DNAJB6: variants seen among roughly 807,000 people sequenced by gnomAD.
The protein encoded by DNAJB6 is dnaJ homolog subfamily B member 6.
In DNAJB6, 16 loss-of-function variants were observed where a neutral mutation model predicts 42.7. The ratio of observed to expected loss-of-function variants is 0.37; its 90% confidence interval spans 0.25 to 0.57. DNAJB6 has a LOEUF of 0.57. Among genes scored for constraint, DNAJB6 ranks in the 20% least tolerant of loss-of-function variants. The pLI, the probability that DNAJB6 is intolerant of heterozygous loss-of-function variation, is 0.74. For missense variants in DNAJB6, 347 were observed against 416.8 expected (o/e 0.83, Z 1.46); for synonymous variants, 170 against 163.5 (o/e 1.04, Z -0.30).
chr7:157,410,198 G>GC (rs1426353902), intron 9 of DNAJB6, 197 bp downstream of exon 9: 38 of 1,327,064 alleles, frequency 2.9e-5, no homozygotes, highest in Middle Eastern at 2.7e-4. Flanking sequence ...GTGGCTCCGG[G>GC]CCCCCCACCG....
At chr7:157,402,081 G>C (rs1160449647) in intron 8 of DNAJB6, among the ~76,000 whole-genome samples, 1 of 152,190 alleles carries the variant, frequency 6.6e-6, no homozygotes, top group African/African-American at 2.4e-5. Flanking sequence ...GTTGAGAGTG[G>C]CTTCTGCCGC....
intron 9 of DNAJB6, chr7:157,412,608 C>T (rs1230747187): frequency 6.6e-6 from 1 of 152,222 alleles, no homozygotes; most frequent in Non-Finnish European, 1.5e-5. Flanking sequence ...GACTCTTGGC[C>T]AGGCCTCTGG....
intron 1 of DNAJB6, among the ~76,000 whole-genome samples, chr7:157,338,328 C>T (rs1798158208): frequency 6.6e-6 from 1 of 151,890 alleles, no homozygotes; most frequent in African/African-American, 2.4e-5. Context: ...GGGTTTACTC[C>T]AGACTTCCTT....
Position 157,409,924 on chromosome 7 carries a change from A to G in DNAJB6, c.821A>G (p.His274Arg), listed in dbSNP as rs925722572. The change falls in exon 9 of 10, where the codon CAC becomes CGC. Residue 274 changes from histidine to arginine, a missense_variant. His to Arg is a conservative substitution (Grantham distance 29). Around this residue, in one of 3 missense-constraint regions of DNAJB6, gnomAD observed 264 missense variants for 288.0 expected, o/e 0.92. Coordinates refer to ENST00000262177, the MANE Select transcript of DNAJB6 (RefSeq NM_058246.4). ...RPASLLRHAP[H>R]CLSEEEGEQD... ...GCCTCGCTGCTGAGACACGCGCCTC[A>G]CTGTCTCTCTGAGGAGGAGGGCGAG... is the stretch of plus-strand genomic sequence containing the variant. 1 of 1,536,036 alleles carries G rather than the reference A, an allele frequency of 6.5e-7. No individual in the cohort carries two copies. The highest frequency in any genetic ancestry group is 8.7e-7 in the Non-Finnish European group (1 of 1,146,014).
intron 8 of DNAJB6, among the ~76,000 whole-genome samples, chr7:157,406,228 T>G (rs1795762900): frequency 6.6e-6 from 1 of 152,194 alleles, no homozygotes; most frequent in African/African-American, 2.4e-5. Flanking sequence ...AAGCTCGGTG[T>G]GGGGGTTTGG....
chr7:157,385,575 G>A lies in DNAJB6; in HGVS notation c.655G>A (p.Glu219Lys). The A allele has an allele frequency of 6.2e-7, 1 of 1,613,896 alleles. No individual in the cohort carries two copies. Among genetic ancestry groups the A allele is most frequent in the Non-Finnish European group, 8.5e-7 (1 of 1,179,840 alleles). ...GAACGGTCAAGAAAGAGTAGAAGTT[G>A]AAGAAGATGGCCAGTTAAAGTCCTT... is the stretch of plus-strand genomic sequence containing the variant. ...VENGQERVEVEEDGQLKSLTI... is the reference protein window; with the variant it reads ...VENGQERVEVKEDGQLKSLTI... The change falls in exon 8 of 10, where the codon GAA (glutamate) becomes AAA (lysine). Residue 219 changes from glutamate to lysine, a missense_variant. Physicochemically the swap from Glu to Lys is moderately conservative, Grantham distance 56. Transcript: ENST00000262177.
chr7:157,373,323 G>A (rs1333465551), intron 5 of DNAJB6, among the ~76,000 whole-genome samples: 2 of 152,134 alleles, frequency 1.3e-5, no homozygotes, highest in Non-Finnish European at 2.9e-5. Flanking sequence ...AAGGTGAAAG[G>A]AGGAGGAACC....
In DNAJB6 at chr7:157,363,070, G is replaced by A. The variant is rs1229944916; in HGVS notation, c.66-91G>A. 1.3e-5 allele frequency: 11 copies of A among 825,588 alleles called. No individual in the cohort carries two copies. The Admixed American group carries it at 2.1e-4, about 15-fold the overall frequency. 51.1% of individuals were successfully genotyped at this position (825,588 alleles called of 1,614,324 possible). A position where few individuals can be genotyped will look rare whatever the true frequency, so the allele number is the denominator to read the frequency against. The stretch of plus-strand genomic sequence containing the variant: ...ATTCATCTCACCAGTTGGCAGCTCT[G>A]AAGCCATTCTCGTGGTTAATGATGT... On this transcript the variant is annotated intron_variant, in intron 2 of 9. Coordinates refer to ENST00000262177, the MANE Select transcript of DNAJB6 (RefSeq NM_058246.4).
chr7:157,391,754 G>T lies in DNAJB6; in HGVS notation c.691+6143G>T, dbSNP rs146275133. The stretch of plus-strand genomic sequence containing the variant: ...TCTTATGTACTTGCAGGAGCAGTTG[G>T]TTAAATTAGGTACCTAGAAGTTGAG... On this transcript the variant is annotated intron_variant, in intron 8 of 9. Coordinates refer to ENST00000262177, the MANE Select transcript of DNAJB6 (RefSeq NM_058246.4). Among the ~76,000 whole-genome samples the T allele has an allele frequency of 9.2e-5, 14 of 152,270 alleles. No individual in the cohort carries two copies. The East Asian group carries it at 2.5e-3, about 27-fold the overall frequency.
At chr7:157,340,450 A>G (rs1162399204) in intron 1 of DNAJB6, among the ~76,000 whole-genome samples, 1 of 152,188 alleles carries the variant, frequency 6.6e-6, no homozygotes, top group Non-Finnish European at 1.5e-5. Flanking sequence ...AAGTTGGTGA[A>G]AACAAGAATA....
chr7:157,404,843 A>G (rs1360397178), intron 8 of DNAJB6, among the ~76,000 whole-genome samples: 1 of 151,756 alleles, frequency 6.6e-6, no homozygotes, highest in Non-Finnish European at 1.5e-5. Flanking sequence ...GCTGATCTCA[A>G]AGCTAAGCTG....
At chr7:157,372,964 T>G (rs1288493455) in intron 5 of DNAJB6, among the ~76,000 whole-genome samples, 3 of 152,222 alleles carry the variant, frequency 2.0e-5, no homozygotes, top group East Asian at 3.9e-4. Context: ...AGAGACAGAT[T>G]TCACTGTGTT....
At chr7:157,400,499 C>G (rs997815486) in intron 8 of DNAJB6, among the ~76,000 whole-genome samples, 9 of 152,212 alleles carry the variant, frequency 5.9e-5, no homozygotes, top group Admixed American at 5.2e-4. Context: ...AGGTGTTACT[C>G]TAAAGCTGGG....
intron 1 of DNAJB6, among the ~76,000 whole-genome samples, chr7:157,340,998 G>GTGCGCGCGCGCGCGCGCACT (rs67210462): frequency 7.4e-6 from 1 of 134,960 alleles, no homozygotes; most frequent in Non-Finnish European, 1.5e-5. Context: ...GTGTGTGTGT[G>GTGCGCGCGCGCGCGCGCACT]CGCGCGCGCA....
At chr7:157,384,333 C>T (rs1008386869) in intron 6 of DNAJB6, among the ~76,000 whole-genome samples, 1 of 152,070 alleles carries the variant, frequency 6.6e-6, no homozygotes, top group African/African-American at 2.4e-5. Flanking sequence ...GGTCCTGTGG[C>T]AAAGAGGAGG....
At chr7:157,356,939 C>G (rs1485372153) in intron 1 of DNAJB6, among the ~76,000 whole-genome samples, 1 of 152,044 alleles carries the variant, frequency 6.6e-6, no homozygotes, top group Non-Finnish European at 1.5e-5. Context: ...AGTTTATATA[C>G]ATCTAAATAG....
At chr7:157,367,615 C>T (rs1463632419) in intron 5 of DNAJB6, 132 bp downstream of exon 5, 55 of 623,610 alleles carry the variant, frequency 8.8e-5, no homozygotes, top group Non-Finnish European at 1.3e-4. Flanking sequence ...AATCCCAGCA[C>T]TTTGGGAGCC....
At chr7:157,411,741 A>ACCGCAGGCCC (rs1333498633) in intron 9 of DNAJB6, 1 of 106,510 alleles carries the variant, frequency 9.4e-6, no homozygotes, top group Non-Finnish European at 1.9e-5. Context: ...AACGGCACCC[A>ACCGCAGGCCC]CCGCAGGCCC....
At chr7:157,405,651 C>A (rs776258817) in intron 8 of DNAJB6, among the ~76,000 whole-genome samples, 15 of 152,224 alleles carry the variant, frequency 9.9e-5, no homozygotes, top group Admixed American at 1.3e-4. Flanking sequence ...ACCGTACAGT[C>A]TCCTGGGACC....
Sources: gnomAD v4.1 joint callset for allele counts (sites outside exome capture counted in the v4.1 genomes callset) on GRCh38, gnomAD v4.1.1 for gene constraint, gnomAD v4.1.1 regional missense constraint, MANE v1.5 for transcripts, NCBI Gene and HGNC (gene_info 2026-07-23, HGNC 2026-07-21) for gene names.